Variants in FAAH2 observed in about 807,000 individuals in gnomAD.
FAAH2 encodes the protein fatty acid amide hydrolase 2, also known as fatty-acid amide hydrolase 2.
A neutral mutation model predicts 36.9 loss-of-function variants in FAAH2; 60 were observed. That is an observed-to-expected ratio of 1.63 (90% CI 1.32 to 2.02). The LOEUF is 2.02. Among genes scored for constraint, FAAH2 ranks in the 30% most tolerant of loss-of-function variants. The pLI, the probability that FAAH2 is intolerant of heterozygous loss-of-function variation, is 0.00. For synonymous variants in FAAH2, 214 were observed against 143.8 expected, an observed-to-expected ratio of 1.49 and a Z score of -3.49; for missense variants, 689 against 397.5, an observed-to-expected ratio of 1.73 and a Z score of -6.23.
chrX:57,407,208 G>T (rs1169986685), intron 7 of FAAH2, among the ~76,000 whole-genome samples: 1 of 111,777 alleles, frequency 8.9e-6, no homozygotes, highest in East Asian at 2.8e-4. Context: ...ATGTTTGCAG[G>T]GTATCTGTTG....
At chrX:57,445,945 T>C (rs1286974934) in intron 8 of FAAH2, among the ~76,000 whole-genome samples, 1 of 112,395 alleles carries the variant, frequency 8.9e-6, no homozygotes, top group Non-Finnish European at 1.9e-5. Flanking sequence ...ACTTCAGGCC[T>C]CGGGCCATGT....
intron 10 of FAAH2, among the ~76,000 whole-genome samples, chrX:57,476,475 T>A (rs966149813): frequency 8.0e-5 from 9 of 111,802 alleles, no homozygotes; most frequent in Admixed American, 4.8e-4. Context: ...GTTCTGTTTA[T>A]CTGATGGATT....
At chrX:57,153,147 G>A in the FAAH2 span, among the ~76,000 whole-genome samples, 1 of 111,970 alleles carries the variant, frequency 8.9e-6, no homozygotes, top group Non-Finnish European at 1.9e-5. Flanking sequence ...AACTGCTCTT[G>A]ATTTAAAGTT....
chrX:57,346,030 C>T (rs773522130), intron 5 of FAAH2, among the ~76,000 whole-genome samples: 2 of 111,282 alleles, frequency 1.8e-5, no homozygotes, highest in African/African-American at 6.5e-5. Flanking sequence ...TTGAGACTTG[C>T]TGTATGACCA....
intron 1 of FAAH2, among the ~76,000 whole-genome samples, chrX:57,289,111 A>G (rs1463840804): frequency 8.9e-6 from 1 of 112,364 alleles, no homozygotes; most frequent in African/African-American, 3.2e-5. Context: ...TTTGAGGTAC[A>G]TATGATTATC....
chrX:57,379,832 T>TTTC (rs1485877008), intron 6 of FAAH2, among the ~76,000 whole-genome samples: 1 of 102,537 alleles, frequency 9.8e-6, no homozygotes. Flanking sequence ...TTTTTTGCAT[T>TTTC]TTTGCTAAAA....
At chrX:57,308,099 A>T (rs1216310342) in intron 2 of FAAH2, among the ~76,000 whole-genome samples, 2 of 111,702 alleles carry the variant, frequency 1.8e-5, no homozygotes, top group Non-Finnish European at 3.8e-5. Flanking sequence ...CATAGTGATG[A>T]ACATACAAAT....
At chrX:57,240,615 T>A in the FAAH2 span, among the ~76,000 whole-genome samples, 32 of 112,146 alleles carry the variant, frequency 2.9e-4, no homozygotes, top group Non-Finnish European at 5.6e-4. Context: ...TGCAGTGGGG[T>A]CTGCACATGT....
At chrX:57,352,540 C>A (rs1211102612) in intron 5 of FAAH2, among the ~76,000 whole-genome samples, 1 of 110,573 alleles carries the variant, frequency 9.0e-6, no homozygotes, top group Non-Finnish European at 1.9e-5. Flanking sequence ...AGCACTTCCT[C>A]TAACAACTGG....
At chrX:57,419,878 C>T (rs1204733201) in intron 7 of FAAH2, among the ~76,000 whole-genome samples, 2 of 111,820 alleles carry the variant, frequency 1.8e-5, no homozygotes, top group Non-Finnish European at 1.9e-5. Context: ...TTTAATCCAT[C>T]TTGAATTGAT....
chrX:57,217,293 C>A, the FAAH2 span, among the ~76,000 whole-genome samples: 2 of 108,218 alleles, frequency 1.8e-5, no homozygotes, highest in Non-Finnish European at 3.8e-5. Context: ...GAATTAGGTC[C>A]CAGCTATTTA....
chrX:57,375,642 T>A (rs886502351), intron 5 of FAAH2, among the ~76,000 whole-genome samples: 1 of 111,085 alleles, frequency 9.0e-6, no homozygotes, highest in Admixed American at 9.6e-5. Context: ...CTTGTTGTAA[T>A]ATCATAGACA....
chrX:57,420,651 T>A (rs1317551988), intron 7 of FAAH2, among the ~76,000 whole-genome samples: 1 of 109,182 alleles, frequency 9.2e-6, no homozygotes, highest in Non-Finnish European at 1.9e-5. Context: ...AGATATACAA[T>A]CATGTCATCT....
the FAAH2 span, among the ~76,000 whole-genome samples, chrX:57,195,924 T>A: frequency 8.9e-6 from 1 of 112,391 alleles, no homozygotes. Flanking sequence ...CATTTGGTTT[T>A]ACTTCTGGTT....
At chrX:57,199,418 G>T in the FAAH2 span, among the ~76,000 whole-genome samples, 2 of 110,438 alleles carry the variant, frequency 1.8e-5, no homozygotes, top group Non-Finnish European at 3.8e-5. Context: ...TTGATTTTTA[G>T]CTTTATCCCA....
the FAAH2 span, among the ~76,000 whole-genome samples, chrX:57,216,605 T>C: frequency 1.3e-4 from 10 of 77,731 alleles, 1 homozygote; most frequent in African/African-American, 3.4e-4. Context: ...TATGTATATA[T>C]ATACGTATAT....
chrX:57,420,427 G>T, intron 7 of FAAH2, among the ~76,000 whole-genome samples: 1 of 111,454 alleles, frequency 9.0e-6, no homozygotes, highest in Non-Finnish European at 1.9e-5. Flanking sequence ...CCTTGAAAAA[G>T]TCCTTCACAT....
In FAAH2 at chrX:57,286,835, T is replaced by A; in HGVS notation, c.10T>A (p.Ser4Thr). The A allele has an allele frequency of 8.5e-7, 1 of 1,183,428 alleles. No individual in the cohort carries two copies. Among genetic ancestry groups the A allele is most frequent in the Non-Finnish European group, 1.1e-6 (1 of 880,029 alleles). ...CGGAATCCAGGCTGCGATGGCACCT[T>A]CATTTACCGCCCGCATTCAGTTGTT... The part of the protein sequence containing the change: MAP[S>T]FTARIQLFLL... Residue 4 changes from serine (S) to threonine (T), a missense_variant, in exon 1 of 11, where the codon TCA becomes ACA. Physicochemically the swap from Ser to Thr is moderately conservative, Grantham distance 58. Transcript: ENST00000374900.
chrX:57,304,049 A>G (rs1042780835), intron 2 of FAAH2, among the ~76,000 whole-genome samples: 1 of 110,902 alleles, frequency 9.0e-6, no homozygotes, highest in Admixed American at 9.7e-5. Flanking sequence ...TCTACTAAAA[A>G]TACAAAAATT....
Sources: allele counts gnomAD v4.1 joint callset (sites outside exome capture counted in the v4.1 genomes callset), GRCh38; gene constraint gnomAD v4.1.1; transcripts MANE v1.5; gene names NCBI Gene and HGNC (gene_info 2026-07-23, HGNC 2026-07-21).